Variants in CAPN13 observed in about 807,000 individuals in gnomAD.
CAPN13 encodes the protein calpain 13, also known as calpain-13.
CAPN13 carries 90 observed loss-of-function variants against 98.4 expected under a neutral mutation model. The ratio of observed to expected loss-of-function variants is 0.92; its 90% confidence interval spans 0.77 to 1.09. The LOEUF (loss-of-function observed/expected upper bound fraction) is 1.09, where lower values mean the gene tolerates loss of function less well. Ranked by LOEUF, CAPN13 falls within the 50% of genes least tolerant of loss-of-function variation. CAPN13 has a pLI of 0.00. For synonymous variants in CAPN13, 330 were observed against 305.5 expected, an observed-to-expected ratio of 1.08 and a Z score of -0.84; for missense variants, 887 against 841.3, an observed-to-expected ratio of 1.05 and a Z score of -0.67.
At position 30,741,319 on chromosome 2, in the gene CAPN13, G is replaced by T. The variant is rs923495320; in HGVS notation, c.1536+589C>A. 5 of 924,644 alleles carry T rather than the reference G, an allele frequency of 5.4e-6. No homozygotes were observed. The African/African-American group carries it at 8.9e-5, about 17-fold the overall frequency. 57.3% of individuals were successfully genotyped at this position (924,644 alleles called of 1,614,324 possible). A position where few individuals can be genotyped will look rare whatever the true frequency, so the allele number is the denominator to read the frequency against. On this transcript the variant is annotated intron_variant, in intron 15 of 22. Coordinates refer to ENST00000295055, the MANE Select transcript of CAPN13 (RefSeq NM_144575.3). ...CTTGGCCTCTTCCTGGTTCAAGGCG[G>T]CAGGGTAGAGATGATCATCGGTATC... is the stretch of plus-strand genomic sequence containing the variant.
intron 7 of CAPN13, among the ~76,000 whole-genome samples, chr2:30,758,487 TC>T (rs1176131621): frequency 6.6e-6 from 1 of 152,210 alleles, no homozygotes; most frequent in South Asian, 2.1e-4. Flanking sequence ...ATTTTATGGT[TC>T]CCCAGCCTCC....
At chr2:30,730,957 T>C (rs1244809443) in intron 21 of CAPN13, among the ~76,000 whole-genome samples, 171 bp from the exon 22 acceptor site, 2 of 152,144 alleles carry the variant, frequency 1.3e-5, no homozygotes, top group Non-Finnish European at 2.9e-5. Context: ...CAGCACATCT[T>C]CTGCTACTCC....
chr2:30,781,228 G>A (rs1355378579), intron 2 of CAPN13, among the ~76,000 whole-genome samples: 2 of 152,212 alleles, frequency 1.3e-5, no homozygotes, highest in Admixed American at 1.3e-4. Flanking sequence ...TCTGAATCAG[G>A]TGTCTGCCTC....
At chr2:30,723,952 A>T (rs1572768876) in intron 22 of CAPN13, among the ~76,000 whole-genome samples, 1 of 152,192 alleles carries the variant, frequency 6.6e-6, no homozygotes, top group East Asian at 1.9e-4. Context: ...TCCCATTTCT[A>T]TCCAAATTCC....
At chr2:30,769,744 C>T (rs372208261) in intron 5 of CAPN13, among the ~76,000 whole-genome samples, 4 of 152,320 alleles carry the variant, frequency 2.6e-5, no homozygotes, top group African/African-American at 9.6e-5. Context: ...GGTATTTTGA[C>T]CATATGAGAA....
chr2:30,761,390 G>A (rs866130025), intron 7 of CAPN13, among the ~76,000 whole-genome samples: 14 of 152,092 alleles, frequency 9.2e-5, no homozygotes, highest in African/African-American at 3.1e-4. Context: ...GAGCCCAAAC[G>A]GCAGCTGAGC....
At chr2:30,800,116 A>AAAACAAAG (rs1675125911) in intron 1 of CAPN13, among the ~76,000 whole-genome samples, 2 of 85,596 alleles carry the variant, frequency 2.3e-5, no homozygotes, top group Admixed American at 1.3e-4. Context: ...GAAAAGAAAG[A>AAAACAAAG]AAAGAAAGAA....
At chr2:30,733,225 T>TG (rs1671192727) in intron 19 of CAPN13, among the ~76,000 whole-genome samples, 1 of 152,138 alleles carries the variant, frequency 6.6e-6, no homozygotes, top group South Asian at 2.1e-4. Flanking sequence ...CCATCCATCA[T>TG]GGGGACAAGC....
intron 1 of CAPN13, among the ~76,000 whole-genome samples, chr2:30,798,903 G>A (rs1020347798): frequency 6.6e-6 from 1 of 152,184 alleles, no homozygotes; most frequent in Non-Finnish European, 1.5e-5. Context: ...AAGGGTGGGG[G>A]AAGGGGCCTG....
At chr2:30,794,566 G>A (rs1483910723) in intron 1 of CAPN13, among the ~76,000 whole-genome samples, 1 of 151,816 alleles carries the variant, frequency 6.6e-6, no homozygotes, top group Non-Finnish European at 1.5e-5. Flanking sequence ...CAAGAGAAAT[G>A]AAAGCATATG....
intron 1 of CAPN13, among the ~76,000 whole-genome samples, chr2:30,788,265 T>A (rs1674425764): frequency 6.6e-6 from 1 of 152,224 alleles, no homozygotes; most frequent in African/African-American, 2.4e-5. Flanking sequence ...CATAGGTTTG[T>A]TATGATATTA....
At chr2:30,760,440 T>TG (rs200024004) in intron 7 of CAPN13, among the ~76,000 whole-genome samples, 1 of 149,818 alleles carries the variant, frequency 6.7e-6, no homozygotes, top group African/African-American at 2.5e-5. Context: ...CCAGTGGGCA[T>TG]GGTGGGGAGA....
chr2:30,750,696 T>A (rs1398858985), intron 11 of CAPN13, among the ~76,000 whole-genome samples: 2 of 152,254 alleles, frequency 1.3e-5, no homozygotes, highest in East Asian at 3.8e-4. Flanking sequence ...TTAATGTGCA[T>A]AAGCCTCTGG....
In CAPN13 at chr2:30,741,984, G is replaced by C; in HGVS notation, c.1480-20C>G. On this transcript the variant is annotated intron_variant, in intron 14 of 22. Coordinates refer to ENST00000295055, the MANE Select transcript of CAPN13 (RefSeq NM_144575.3). ...GCTTCCCTGGATCAAAGGGAAAATA[G>C]TCAATGTTAGACTTCTGGGGAAGGA... The C allele has an allele frequency of 1.2e-6, 2 of 1,609,300 alleles. No homozygotes were observed. Among genetic ancestry groups the C allele is most frequent in the Non-Finnish European group, 1.7e-6 (2 of 1,175,758 alleles).
intron 15 of CAPN13, among the ~76,000 whole-genome samples, chr2:30,740,743 G>C (rs1388797395): frequency 6.6e-6 from 1 of 152,206 alleles, no homozygotes; most frequent in Non-Finnish European, 1.5e-5. Flanking sequence ...TAGAAAATCT[G>C]TCCCATCTTC....
intron 2 of CAPN13, among the ~76,000 whole-genome samples, chr2:30,780,068 G>C (rs375807806): frequency 1.3e-5 from 2 of 152,116 alleles, no homozygotes; most frequent in African/African-American, 4.8e-5. Flanking sequence ...AATTAACTTG[G>C]CTAACATTGA....
chr2:30,744,260 A>G (rs557580541), intron 12 of CAPN13, among the ~76,000 whole-genome samples: 11 of 152,336 alleles, frequency 7.2e-5, no homozygotes, highest in Admixed American at 3.3e-4. Flanking sequence ...TTTATGAGCT[A>G]TGCCTTGCAG....
intron 22 of CAPN13, among the ~76,000 whole-genome samples, chr2:30,726,017 G>A (rs1670843809): frequency 6.6e-6 from 1 of 152,146 alleles, no homozygotes; most frequent in Admixed American, 6.5e-5. Flanking sequence ...ATGCTAGGAT[G>A]AGAACAAAAC....
At chr2:30,799,344 C>A (rs1303840216) in intron 1 of CAPN13, among the ~76,000 whole-genome samples, 1 of 152,190 alleles carries the variant, frequency 6.6e-6, no homozygotes, top group Non-Finnish European at 1.5e-5. Context: ...GAAGATGGAA[C>A]TTAACCGCCA....
Sources: gnomAD v4.1 joint callset for allele counts (sites outside exome capture counted in the v4.1 genomes callset) on GRCh38, gnomAD v4.1.1 for gene constraint, MANE v1.5 for transcripts, NCBI Gene and HGNC (gene_info 2026-07-23, HGNC 2026-07-21) for gene names.